Variants in TMEM132B observed in about 807,000 individuals in gnomAD.
TMEM132B encodes the protein transmembrane protein 132B.
Under a neutral mutation model 90.8 loss-of-function variants are expected in TMEM132B, and 18 were observed. The ratio of observed to expected loss-of-function variants is 0.20; its 90% CI spans 0.14 to 0.29. TMEM132B has a LOEUF of 0.29. TMEM132B is among the 10% of genes least tolerant of loss of function. TMEM132B has a pLI of 1.00. For synonymous variants in TMEM132B, 504 were observed against 523.3 expected, an observed-to-expected ratio of 0.96 and a Z score of 0.50; for missense variants, 1,096 against 1,326.8, an observed-to-expected ratio of 0.83 and a Z score of 2.70.
At chr12:125,362,542 T>G (rs959504876) in intron 2 of TMEM132B, among the ~76,000 whole-genome samples, 2 of 152,180 alleles carry the variant, frequency 1.3e-5, no homozygotes, top group East Asian at 3.9e-4. Context: ...ATGCGCACTA[T>G]TGGATAGTAG....
chr12:125,476,029 T>G (rs1224372851), intron 3 of TMEM132B, among the ~76,000 whole-genome samples: 1 of 152,188 alleles, frequency 6.6e-6, no homozygotes, highest in Non-Finnish European at 1.5e-5. Context: ...AATTAAAACA[T>G]GATGTGTTTG....
At chr12:125,367,980 A>G (rs187868149) in intron 2 of TMEM132B, among the ~76,000 whole-genome samples, 443 of 151,992 alleles carry the variant, frequency 2.9e-3, no homozygotes, top group Middle Eastern at 6.8e-3. Flanking sequence ...TAATTAATCT[A>G]TTGGCTTTTT....
At chr12:125,596,989 C>A (rs1433232840) in intron 5 of TMEM132B, among the ~76,000 whole-genome samples, 1 of 152,172 alleles carries the variant, frequency 6.6e-6, no homozygotes, top group East Asian at 1.9e-4. Context: ...GACAAAATAA[C>A]ACTGAAGACC....
intron 1 of TMEM132B, among the ~76,000 whole-genome samples, chr12:125,298,882 C>T (rs1332827987): frequency 1.1e-4 from 16 of 151,366 alleles, no homozygotes; most frequent in Admixed American, 7.9e-4. Flanking sequence ...TACAGGCGCC[C>T]GCCACCACGC....
chr12:125,252,402 G>A (rs1874337506), intron 1 of TMEM132B, among the ~76,000 whole-genome samples: 1 of 152,146 alleles, frequency 6.6e-6, no homozygotes, highest in Admixed American at 6.5e-5. Flanking sequence ...AGCCTCCCAC[G>A]GAGGCCTGCA....
At chr12:125,404,473 G>A (rs2136326432) in intron 2 of TMEM132B, among the ~76,000 whole-genome samples, 1 of 152,300 alleles carries the variant, frequency 6.6e-6, no homozygotes. Flanking sequence ...AAGGTAGGAG[G>A]CTTAGATGCT....
intron 2 of TMEM132B, among the ~76,000 whole-genome samples, chr12:125,392,492 C>T (rs187577215): frequency 3.3e-5 from 5 of 152,336 alleles, no homozygotes; most frequent in East Asian, 1.9e-4. Flanking sequence ...CGTTGGGCTA[C>T]GCAGGTAGAA....
chr12:125,458,232 T>A lies in TMEM132B; in HGVS notation c.1106+42555T>A, dbSNP rs1187117424. Among the ~76,000 whole-genome samples, 1 of 147,644 alleles carries A rather than the reference T, an allele frequency of 6.8e-6. No homozygotes were observed. Among genetic ancestry groups the A allele is most frequent in the African/African-American group, 2.4e-5 (1 of 40,882 alleles). On this transcript the variant is annotated intron_variant, in intron 3 of 8. Coordinates refer to ENST00000682704, the MANE Select transcript of TMEM132B (RefSeq NM_001366854.1). The surrounding 1 kb of genome is among the most constrained non-coding windows in gnomAD (Gnocchi z 4.9). ...ACAAGGGCCTTGGACAAGGCCCTTG[T>A]CCAAGGACAAGGGATGGAGCCTGGG...
intron 4 of TMEM132B, among the ~76,000 whole-genome samples, chr12:125,522,698 A>G (rs1883337827): frequency 6.6e-6 from 1 of 152,194 alleles, no homozygotes; most frequent in Admixed American, 6.5e-5. Context: ...GCTGGCCACC[A>G]TGAACTGTAG....
intron 3 of TMEM132B, among the ~76,000 whole-genome samples, chr12:125,430,778 C>G (rs1340491535): frequency 6.6e-6 from 1 of 152,134 alleles, no homozygotes; most frequent in African/African-American, 2.4e-5. Context: ...GAACTTACAT[C>G]TATAGAAAGG....
intron 1 of TMEM132B, among the ~76,000 whole-genome samples, chr12:125,289,012 A>G (rs2136143547): frequency 6.6e-6 from 1 of 152,266 alleles, no homozygotes; most frequent in East Asian, 1.9e-4. Context: ...GGCAACGCTG[A>G]GTTTTCTAAA....
At position 125,652,585 on chromosome 12, in the gene TMEM132B, A is replaced by C. The variant is rs201819763; in HGVS notation, c.2059A>C (p.Ile687Leu). 3 of 1,613,782 alleles carry C rather than the reference A, an allele frequency of 1.9e-6. No individual in the cohort carries two copies. Among genetic ancestry groups the C allele is most frequent in the Middle Eastern group, 1.7e-4 (1 of 6,034 alleles). The change falls in exon 8 of 9, where the codon ATC becomes CTC. Residue 687 changes from isoleucine (I) to leucine (L), a missense_variant. Ile to Leu is a conservative substitution (Grantham distance 5, BLOSUM62 2). Transcript: ENST00000682704. ...GCCACACCGAGCAGACAAAAGGGCC[A>C]TCGTCTCCACAGCTGCTGCCCTGGA... ...LQPHRADKRA[I>L]VSTAAALDVL... is the part of the protein sequence containing the mutation.
chr12:125,195,023 C>A (rs373147163), intron 1 of TMEM132B, among the ~76,000 whole-genome samples: 12 of 152,138 alleles, frequency 7.9e-5, no homozygotes, highest in African/African-American at 2.9e-4. Context: ...GAATTCTGGG[C>A]AGTGTTGGCC....
intron 2 of TMEM132B, among the ~76,000 whole-genome samples, chr12:125,405,537 T>G (rs1465559641): frequency 1.3e-5 from 2 of 152,220 alleles, no homozygotes; most frequent in Non-Finnish European, 2.9e-5. Flanking sequence ...GAGTCTGTAC[T>G]GCACCAAGAG....
chr12:125,592,932 A>G (rs2136898713), intron 5 of TMEM132B, among the ~76,000 whole-genome samples: 1 of 152,366 alleles, frequency 6.6e-6, no homozygotes, highest in East Asian at 1.9e-4. Context: ...GTAGCAAGTC[A>G]CAGAAACCCA....
At chr12:125,487,995 C>T (rs573338211) in intron 3 of TMEM132B, among the ~76,000 whole-genome samples, 1 of 152,220 alleles carries the variant, frequency 6.6e-6, no homozygotes, top group East Asian at 1.9e-4. Context: ...CTGATATTCC[C>T]AAGGTGGTCT....
At chr12:125,396,894 A>G (rs2136312849) in intron 2 of TMEM132B, among the ~76,000 whole-genome samples, 1 of 152,280 alleles carries the variant, frequency 6.6e-6, no homozygotes, top group Middle Eastern at 3.4e-3. Flanking sequence ...TCACACAGCT[A>G]GAGTCTTGAA....
intron 3 of TMEM132B, among the ~76,000 whole-genome samples, chr12:125,508,855 T>C (rs1882908580): frequency 6.6e-6 from 1 of 151,024 alleles, no homozygotes; most frequent in Non-Finnish European, 1.5e-5. Context: ...CTTGGCTCAC[T>C]GCAACCTCTA....
chr12:125,250,410 G>A (rs1213512151), intron 1 of TMEM132B, among the ~76,000 whole-genome samples: 1 of 152,150 alleles, frequency 6.6e-6, no homozygotes, highest in Admixed American at 6.5e-5. Flanking sequence ...ATTCTTTGAC[G>A]CCCTCGTGTC....
Sources: gnomAD v4.1 joint callset for allele counts (sites outside exome capture counted in the v4.1 genomes callset) on GRCh38, gnomAD v4.1.1 for gene constraint, Gnocchi (gnomAD v3.1) non-coding constraint, MANE v1.5 for transcripts, NCBI Gene and HGNC (gene_info 2026-07-23, HGNC 2026-07-21) for gene names.